The following CCDC102B variants were observed in gnomAD, a reference collection of about 807,000 sequenced individuals.
CCDC102B encodes the protein coiled-coil domain-containing protein 102B.
CCDC102B carries 75 observed loss-of-function variants against 57.4 expected under a neutral mutation model. The observed-to-expected ratio is 1.31, with a 90% CI of 1.08 to 1.58. The LOEUF (loss-of-function observed/expected upper bound fraction) is 1.58, where lower values mean the gene tolerates loss of function less well. Ranked by LOEUF, CCDC102B falls within the 40% of genes most tolerant of loss-of-function variation. The pLI, the probability that CCDC102B is intolerant of heterozygous loss-of-function variation, is 0.00. For synonymous variants in CCDC102B, 206 were observed against 201.9 expected (o/e 1.02, Z -0.17); for missense variants, 636 against 582.6 (o/e 1.09, Z -0.94).
chr18:68,769,254 G>GAA (rs35451609), intron 2 of CCDC102B, among the ~76,000 whole-genome samples: 13 of 116,430 alleles, frequency 1.1e-4, no homozygotes, highest in Admixed American at 5.2e-4. Context: ...ACTCCACCTC[G>GAA]AAAAAAAAAA....
In CCDC102B at chr18:68,742,266, G is replaced by A. The variant is rs555401653; in HGVS notation, c.-67+25672G>A. ...AGCATCACTGTGATCTCTTGCTTCT[G>A]CCTCATCATGGTCTCCTTGTGTATC... On this transcript the variant is annotated intron_variant, in intron 2 of 3. Coordinates refer to the CCDC102B transcript ENST00000578970. 2.1e-3 allele frequency among the ~76,000 whole-genome samples: 324 copies of A among 152,210 alleles called. 3 individuals are homozygous for A. Among genetic ancestry groups the A allele is most frequent in the African/African-American group, 7.4e-3 (309 of 41,538 alleles).
At chr18:68,750,908 C>G (rs1441304991) in intron 2 of CCDC102B, among the ~76,000 whole-genome samples, 2 of 151,780 alleles carry the variant, frequency 1.3e-5, no homozygotes, top group African/African-American at 4.8e-5. Flanking sequence ...TGTAACAAAC[C>G]TGCACGTTGT....
chr18:68,868,647 A>G (rs2039106773), intron 4 of CCDC102B, among the ~76,000 whole-genome samples: 1 of 152,222 alleles, frequency 6.6e-6, no homozygotes, highest in African/African-American at 2.4e-5. Flanking sequence ...AAACCTGACT[A>G]ACTGTAAAAT....
At position 68,911,184 on chromosome 18, in the gene CCDC102B, C is replaced by T. The variant is rs187172654; in HGVS notation, c.1263+13756C>T. 1.1e-3 allele frequency among the ~76,000 whole-genome samples: 164 copies of T among 152,256 alleles called. 1 individual carries two copies. The highest frequency in any genetic ancestry group is 1.6e-3 in the Admixed American group (24 of 15,296). On this transcript the variant is annotated intron_variant, in intron 6 of 7. Coordinates refer to ENST00000360242, the MANE Select transcript of CCDC102B (RefSeq NM_024781.3). ...CCAATAGCAAAGACATGGAATCAAC[C>T]TAAATGCCCATCAACAGTAAACTGG... is the stretch of plus-strand genomic sequence containing the variant.
intron 6 of CCDC102B, among the ~76,000 whole-genome samples, chr18:68,986,371 A>G (rs2050723558): frequency 6.6e-6 from 1 of 152,218 alleles, no homozygotes; most frequent in Admixed American, 6.5e-5. Flanking sequence ...TTTACCACAT[A>G]AAAAGAATTA....
intron 2 of CCDC102B, chr18:68,753,388 A>G (rs1296747820): frequency 6.6e-6 from 1 of 152,134 alleles, no homozygotes; most frequent in African/African-American, 2.4e-5. Flanking sequence ...AAACTTAGAT[A>G]TCTCCAGTCT....
chr18:68,731,693 CTATG>C (rs2032871328), intron 2 of CCDC102B, among the ~76,000 whole-genome samples: 1 of 149,208 alleles, frequency 6.7e-6, no homozygotes, highest in African/African-American at 2.4e-5. Context: ...ACAATTTTGT[CTATG>C]TGTGTATATA....
intron 6 of CCDC102B, among the ~76,000 whole-genome samples, chr18:68,923,703 GA>G (rs898811951): frequency 1.3e-5 from 2 of 152,058 alleles, no homozygotes; most frequent in African/African-American, 4.8e-5. Context: ...AAATTAAAGA[GA>G]GTTAGTGGCG....
chr18:68,945,158 C>T (rs1385138547), intron 6 of CCDC102B, among the ~76,000 whole-genome samples: 2 of 79,570 alleles, frequency 2.5e-5, no homozygotes, highest in East Asian at 3.4e-4. Flanking sequence ...ACTCATCTAG[C>T]TATCACCCCA....
In CCDC102B at chr18:69,048,062, T is replaced by C. The variant is rs377667798; in HGVS notation, c.1435-5968T>C. Among the ~76,000 whole-genome samples the C allele has an allele frequency of 4.6e-4, 70 of 152,238 alleles. No homozygotes were observed. The South Asian group carries it at 5.2e-3, about 11-fold the overall frequency. On this transcript the variant is annotated intron_variant, in intron 7 of 7. Coordinates refer to ENST00000360242, the MANE Select transcript of CCDC102B (RefSeq NM_024781.3). ...AACTTCCTAAATGTCATAGCCCACA[T>C]TGATATTCAAATACTAAAATCTAAA...
chr18:69,000,143 T>A (rs2051162785), intron 6 of CCDC102B, among the ~76,000 whole-genome samples: 1 of 152,174 alleles, frequency 6.6e-6, no homozygotes, highest in African/African-American at 2.4e-5. Flanking sequence ...TAGTTTATTC[T>A]TATGGTAATA....
intron 6 of CCDC102B, among the ~76,000 whole-genome samples, chr18:68,906,690 A>G (rs1163228082): frequency 6.6e-6 from 1 of 152,016 alleles, no homozygotes; most frequent in Non-Finnish European, 1.5e-5. Context: ...ATTGAGTTGT[A>G]TTTTTGTTGG....
chr18:68,843,427 T>G (rs1315342671), intron 3 of CCDC102B, among the ~76,000 whole-genome samples: 1 of 152,226 alleles, frequency 6.6e-6, no homozygotes, highest in East Asian at 1.9e-4. Context: ...GGACCTTTCA[T>G]CTATGAGAAA....
intron 6 of CCDC102B, among the ~76,000 whole-genome samples, chr18:69,010,419 A>G (rs946225966): frequency 1.3e-5 from 2 of 152,134 alleles, no homozygotes; most frequent in Non-Finnish European, 2.9e-5. Flanking sequence ...ATAGATTAAT[A>G]TCTTTCTTTA....
At chr18:68,871,643 TA>T (rs1403898820) in intron 4 of CCDC102B, among the ~76,000 whole-genome samples, 2 of 152,126 alleles carry the variant, frequency 1.3e-5, no homozygotes, top group Admixed American at 6.6e-5. Flanking sequence ...ATTTTTTATT[TA>T]TTTTTTTACT....
chr18:68,816,911 A>G (rs1401812029), intron 1 of CCDC102B, among the ~76,000 whole-genome samples: 1 of 152,212 alleles, frequency 6.6e-6, no homozygotes, highest in Non-Finnish European at 1.5e-5. Flanking sequence ...AACAGAAAAT[A>G]AAATGTTTTT....
chr18:68,836,495 G>A (rs949976713), intron 1 of CCDC102B, among the ~76,000 whole-genome samples: 2 of 151,936 alleles, frequency 1.3e-5, no homozygotes, highest in African/African-American at 4.8e-5. Context: ...GGGCGTGGTT[G>A]CGCATGCCTG....
intron 6 of CCDC102B, among the ~76,000 whole-genome samples, chr18:68,901,160 G>A (rs2040437206): frequency 6.6e-6 from 1 of 152,074 alleles, no homozygotes; most frequent in Non-Finnish European, 1.5e-5. Context: ...ATTTTCCCTG[G>A]CAATATAAGT....
At chr18:68,747,497 A>AC (rs1568229936) in intron 2 of CCDC102B, among the ~76,000 whole-genome samples, 4 of 152,080 alleles carry the variant, frequency 2.6e-5, no homozygotes, top group African/African-American at 7.2e-5. Flanking sequence ...TAAACTTTAT[A>AC]CCCATTAAAC....
Sources: gnomAD v4.1 joint callset for allele counts (sites outside exome capture counted in the v4.1 genomes callset) on GRCh38, gnomAD v4.1.1 for gene constraint, MANE v1.5 for transcripts, NCBI Gene and HGNC (gene_info 2026-07-23, HGNC 2026-07-21) for gene names.